Variants in GRAMD4 observed in about 807,000 individuals in gnomAD.
GRAMD4 encodes the protein GRAM domain-containing protein 4.
GRAMD4 carries 25 observed loss-of-function variants against 83.9 expected under a neutral mutation model. That is an observed-to-expected ratio of 0.30 (90% CI 0.22 to 0.42). The LOEUF is 0.42. Ranked by LOEUF, GRAMD4 falls within the 10% of genes least tolerant of loss-of-function variation. The pLI is 1.00. For synonymous variants in GRAMD4, 336 were observed against 320.9 expected (o/e 1.05, Z -0.50); for missense variants, 593 against 788.7 (o/e 0.75, Z 2.97).
At chr22:46,577,227 C>A in exon 1 of GRAMD4, 1 of 958,878 alleles carries the variant, frequency 1.0e-6, no homozygotes, top group Non-Finnish European at 1.2e-6. Context: ...GTAGCGCGGC[C>A]GGGCGGCCGG....
At chr22:46,582,581 C>T (rs2081108767) in intron 1 of GRAMD4, among the ~76,000 whole-genome samples, 1 of 152,138 alleles carries the variant, frequency 6.6e-6, no homozygotes, top group Non-Finnish European at 1.5e-5. Flanking sequence ...CGACCTGGAG[C>T]GGCACCTCAT....
chr22:46,663,243 T>C, intron 6 of GRAMD4, 71 bp downstream of exon 6: 2 of 1,442,700 alleles, frequency 1.4e-6, no homozygotes, highest in Non-Finnish European at 1.9e-6. Context: ...CTGCAGCGGG[T>C]GGGCCATCCT....
At position 46,663,188 on chromosome 22, in the gene GRAMD4, G is replaced by A. The variant is rs1387379396; in HGVS notation, c.599+16G>A. 5.6e-6 allele frequency: 9 copies of A among 1,606,544 alleles called. No homozygotes were observed. In the South Asian group the frequency reaches 8.8e-5, roughly 16 times the overall value. ...GCGCCCGCAGGTAGGGGTTCGCCGA[G>A]CTGGGGCTGCCTGTGCGTTAGGGGC... On this transcript the variant is annotated intron_variant, in intron 6 of 18. Transcript: ENST00000406902.
At chr22:46,652,256 G>C (rs1007757363) in intron 3 of GRAMD4, among the ~76,000 whole-genome samples, 1 of 152,154 alleles carries the variant, frequency 6.6e-6, no homozygotes, top group African/African-American at 2.4e-5. Context: ...AGGAGGCCAT[G>C]TGAGGGTGGG....
At chr22:46,601,876 A>C (rs2081315181) in intron 1 of GRAMD4, among the ~76,000 whole-genome samples, 1 of 152,162 alleles carries the variant, frequency 6.6e-6, no homozygotes, top group African/African-American at 2.4e-5. Flanking sequence ...CTCACCATGG[A>C]TCAAGGCTCC....
At chr22:46,577,637 G>C (rs1238469043) in intron 1 of GRAMD4, among the ~76,000 whole-genome samples, 1 of 152,044 alleles carries the variant, frequency 6.6e-6, no homozygotes. Context: ...CCACTGGAGG[G>C]GGACGGTATC....
At position 46,677,602 on chromosome 22, in the gene GRAMD4, C is replaced by A; in HGVS notation, c.*351C>A. ...CTGGACAGAGAAACCTCTCCAGCCA[C>A]CCCAAGAGGTTCTCGCAACCTTGTG... On this transcript the variant is annotated 3_prime_UTR_variant, in exon 19 of 19. Coordinates refer to ENST00000406902, the MANE Select transcript of GRAMD4 (RefSeq NM_015124.5). 9.6e-7 allele frequency: 1 copy of A among 1,037,466 alleles called. No homozygotes were observed. Among genetic ancestry groups the A allele is most frequent in the Non-Finnish European group, 1.2e-6 (1 of 862,044 alleles). 64.3% of individuals were successfully genotyped at this position (1,037,466 alleles called of 1,614,324 possible).
At chr22:46,618,299 C>G (rs2147126891), upstream of GRAMD4, among the ~76,000 whole-genome samples, 1 of 152,224 alleles carries the variant, frequency 6.6e-6, no homozygotes, top group Non-Finnish European at 1.5e-5. The surrounding 1 kb of genome is among the most constrained non-coding windows in gnomAD (Gnocchi z 5.8). Context: ...GGGTTCTAAC[C>G]AAGCAGGACT....
At chr22:46,669,448 C>T (rs1432700880) in intron 13 of GRAMD4, among the ~76,000 whole-genome samples, 5 of 152,148 alleles carry the variant, frequency 3.3e-5, no homozygotes, top group East Asian at 3.8e-4. Flanking sequence ...TGGTGGCCCC[C>T]CCTCACCCCA....
intron 14 of GRAMD4, 137 bp from the exon 15 acceptor site, chr22:46,673,533 C>A: frequency 9.1e-7 from 1 of 1,099,496 alleles, no homozygotes; most frequent in Non-Finnish European, 1.3e-6. Context: ...AGGAGCCGCT[C>A]TGGGCCGGAA....
At chr22:46,623,944 G>T (rs929851496) in intron 1 of GRAMD4, among the ~76,000 whole-genome samples, 1 of 151,904 alleles carries the variant, frequency 6.6e-6, no homozygotes, top group Non-Finnish European at 1.5e-5. Context: ...ACCTCGCCCA[G>T]CTAATTTTTG....
chr22:46,597,178 G>A (rs556748845), intron 1 of GRAMD4, among the ~76,000 whole-genome samples: 10 of 152,320 alleles, frequency 6.6e-5, no homozygotes, highest in African/African-American at 2.4e-4. Context: ...CAGGTGCCAG[G>A]TGTAGGCCCT....
chr22:46,643,762 T>C (rs1007344353), intron 3 of GRAMD4, among the ~76,000 whole-genome samples: 2 of 152,228 alleles, frequency 1.3e-5, no homozygotes, highest in African/African-American at 2.4e-5. Context: ...GGTCATGCGA[T>C]TATGTCCGGG....
intron 1 of GRAMD4, among the ~76,000 whole-genome samples, chr22:46,607,113 G>A (rs1203315206): frequency 1.3e-5 from 2 of 152,096 alleles, no homozygotes; most frequent in African/African-American, 4.8e-5. Flanking sequence ...GCCCATGGGC[G>A]TGCAGGAGCA....
At chr22:46,680,568 AT>A (rs2082656365), downstream of GRAMD4, among the ~76,000 whole-genome samples, 2 of 61,896 alleles carry the variant, frequency 3.2e-5, no homozygotes, top group Non-Finnish European at 3.7e-5. Flanking sequence ...CCGTCCGTCC[AT>A]CCATCCATCC....
upstream of GRAMD4, among the ~76,000 whole-genome samples, chr22:46,615,601 G>A (rs2081473261): frequency 8.0e-6 from 1 of 124,332 alleles, no homozygotes; most frequent in Non-Finnish European, 1.7e-5. Flanking sequence ...TCCCCCGTGT[G>A]TAGGTTCCCC....
At chr22:46,680,742 C>T (rs1601700858), downstream of GRAMD4, among the ~76,000 whole-genome samples, 11 of 133,734 alleles carry the variant, frequency 8.2e-5, no homozygotes, top group Non-Finnish European at 1.1e-4. Context: ...ATCCACCCAC[C>T]CATCCATCCA....
At chr22:46,590,339 C>T (rs972061189) in intron 1 of GRAMD4, among the ~76,000 whole-genome samples, 7 of 152,184 alleles carry the variant, frequency 4.6e-5, no homozygotes, top group Admixed American at 2.6e-4. Context: ...GGGTGGGGTT[C>T]GGGAGTACTG....
rs34423766 is a variant in GRAMD4 at position 46,648,803 on chromosome 22, CATGGATGGATGGATGG to C, written c.284-9356_284-9341del. On this transcript the variant is annotated intron_variant, in intron 3 of 18. Coordinates refer to ENST00000406902, the MANE Select transcript of GRAMD4 (RefSeq NM_015124.5). ...GGATGGATGGATGGATGGATGGATGCATGGATGGATGGATGGATGGATGGATGGATGGATGGATGGA... is the reference window on the plus strand; with the variant it reads ...GGATGGATGGATGGATGGATGGATGCATGGATGGATGGATGGATGGATGGA... 5.1e-4 allele frequency among the ~76,000 whole-genome samples: 14 copies of C among 27,250 alleles called. No individual in the cohort carries two copies. In the East Asian group the frequency reaches 5.3e-3, roughly 10 times the overall value. 17.9% of individuals were successfully genotyped at this position (27,250 alleles called of 152,430 possible). A position where few individuals can be genotyped will look rare whatever the true frequency, so the allele number is the denominator to read the frequency against.
Sources: gnomAD v4.1 joint callset for allele counts (sites outside exome capture counted in the v4.1 genomes callset) on GRCh38, gnomAD v4.1.1 for gene constraint, Gnocchi (gnomAD v3.1) non-coding constraint, MANE v1.5 for transcripts, NCBI Gene and HGNC (gene_info 2026-07-23, HGNC 2026-07-21) for gene names.